The following SCAPER variants were observed in gnomAD, a reference collection of about 807,000 sequenced individuals.
SCAPER encodes the protein S-phase cyclin A associated protein in the ER, also known as S phase cyclin A-associated protein in the endoplasmic reticulum.
SCAPER carries 98 observed loss-of-function variants against 182.2 expected under a neutral mutation model. The ratio of observed to expected loss-of-function variants is 0.54; its 90% CI spans 0.46 to 0.64. The LOEUF (loss-of-function observed/expected upper bound fraction) is 0.64, where lower values mean the gene tolerates loss of function less well. SCAPER is among the 30% of genes least tolerant of loss of function. The pLI, the probability that SCAPER is intolerant of heterozygous loss-of-function variation, is 0.00. For missense variants in SCAPER, 1,432 were observed against 1,690.0 expected (o/e 0.85, Z 2.68); for synonymous variants, 605 against 564.6 (o/e 1.07, Z -1.01).
At chr15:76,656,773 TAAACAACC>T (rs1480186418) in intron 21 of SCAPER, among the ~76,000 whole-genome samples, 5 of 152,218 alleles carry the variant, frequency 3.3e-5, no homozygotes, top group African/African-American at 1.2e-4. Context: ...AAATGGAAAT[TAAACAACC>T]TGCTCCCAAA....
intron 27 of SCAPER, among the ~76,000 whole-genome samples, chr15:76,389,584 C>T (rs1482759642): frequency 2.1e-5 from 3 of 145,568 alleles, no homozygotes; most frequent in South Asian, 4.3e-4. Context: ...GAGGCCGAGG[C>T]GGGCAGATCA....
At chr15:76,844,839 A>T (rs578148600) in intron 4 of SCAPER, among the ~76,000 whole-genome samples, 1 of 152,310 alleles carries the variant, frequency 6.6e-6, no homozygotes, top group South Asian at 2.1e-4. Context: ...ACAGAGGAGG[A>T]GGGAATACTT....
At chr15:76,769,515 CAG>C (rs1364233125) in intron 10 of SCAPER, among the ~76,000 whole-genome samples, 1 of 146,970 alleles carries the variant, frequency 6.8e-6, no homozygotes, top group East Asian at 2.0e-4. Context: ...AGGATATGAA[CAG>C]ACATTTCTCA....
At position 76,655,643 on chromosome 15, in the gene SCAPER, G is replaced by A. The variant is rs776188254; in HGVS notation, c.2645+10010C>T. On this transcript the variant is annotated intron_variant, in intron 21 of 31. Transcript: ENST00000563290. The stretch of plus-strand genomic sequence containing the variant: ...GAAGAATTATCCATGATGAACATGC[G>A]TACAAAAATCCTCAAGAGAGAAGGG... Among the ~76,000 whole-genome samples the A allele has an allele frequency of 1.4e-4, 21 of 152,146 alleles. 1 individual carries two copies. The highest frequency in any genetic ancestry group is 2.1e-4 in the South Asian group (1 of 4,822).
chr15:76,901,935 G>GGA (rs774137360), intron 1 of SCAPER, among the ~76,000 whole-genome samples: 5 of 152,096 alleles, frequency 3.3e-5, no homozygotes, highest in Non-Finnish European at 5.9e-5. Context: ...TAGCCAGGAT[G>GGA]GTCTCGATCT....
At chr15:76,454,674 A>T (rs1192352362) in intron 25 of SCAPER, among the ~76,000 whole-genome samples, 2 of 151,754 alleles carry the variant, frequency 1.3e-5, no homozygotes, top group Admixed American at 1.3e-4. Context: ...CTGGCTTGTA[A>T]TTTTTTTTCT....
At chr15:76,805,491 T>C (rs575501341) in intron 5 of SCAPER, among the ~76,000 whole-genome samples, 1 of 152,236 alleles carries the variant, frequency 6.6e-6, no homozygotes, top group South Asian at 2.1e-4. Flanking sequence ...TTGGGGGTTA[T>C]GTGCATTTCT....
intron 23 of SCAPER, among the ~76,000 whole-genome samples, chr15:76,518,429 G>A (rs1465237305): frequency 6.6e-6 from 1 of 152,086 alleles, no homozygotes; most frequent in Non-Finnish European, 1.5e-5. Context: ...TTTAGATGAG[G>A]CACAAGGAAA....
intron 22 of SCAPER, among the ~76,000 whole-genome samples, chr15:76,611,989 A>G (rs2051041494): frequency 6.6e-6 from 1 of 152,204 alleles, no homozygotes; most frequent in Admixed American, 6.5e-5. Context: ...CCAACATTGC[A>G]CTAAACAGGC....
chr15:76,856,314 G>A (rs1281329538), intron 4 of SCAPER, among the ~76,000 whole-genome samples: 1 of 151,904 alleles, frequency 6.6e-6, no homozygotes, highest in Non-Finnish European at 1.5e-5. Flanking sequence ...TTGGGTACTA[G>A]GCTTCATACC....
chr15:76,582,452 A>G (rs924246934), intron 22 of SCAPER, among the ~76,000 whole-genome samples: 1 of 152,236 alleles, frequency 6.6e-6, no homozygotes, highest in African/African-American at 2.4e-5. Context: ...ACTGAAGAAG[A>G]CACATGAAAA....
intron 2 of SCAPER, among the ~76,000 whole-genome samples, chr15:76,883,296 G>A (rs964350230): frequency 2.0e-5 from 3 of 152,214 alleles, no homozygotes; most frequent in Admixed American, 6.5e-5. Flanking sequence ...CTCAATTTGA[G>A]TAGTTTAAGA....
At chr15:76,854,267 C>CA (rs1395169714) in intron 4 of SCAPER, among the ~76,000 whole-genome samples, 6 of 150,874 alleles carry the variant, frequency 4.0e-5, no homozygotes, top group Admixed American at 3.3e-4. Context: ...GACTCCATCT[C>CA]AAAAAAAACA....
intron 23 of SCAPER, among the ~76,000 whole-genome samples, chr15:76,557,507 C>G (rs1428091148): frequency 6.6e-6 from 1 of 152,154 alleles, no homozygotes; most frequent in Non-Finnish European, 1.5e-5. Context: ...CCCCAAACCT[C>G]TTGGTGCTGT....
Position 76,555,036 on chromosome 15 carries a change from C to A in SCAPER, c.2838+19122G>T, listed in dbSNP as rs547210068. ...CCTCAAGTGATCCATCCACCTTGGC[C>A]TCCCAAAGTGCTAGGATTACAGGTG... On this transcript the variant is annotated intron_variant, in intron 23 of 31. Coordinates refer to ENST00000563290, the MANE Select transcript of SCAPER (RefSeq NM_020843.4). 5.9e-5 allele frequency among the ~76,000 whole-genome samples: 9 copies of A among 152,226 alleles called. No individual in the cohort carries two copies. The South Asian group carries it at 1.9e-3, about 32-fold the overall frequency.
chr15:76,595,274 G>GTT (rs1186746587), intron 22 of SCAPER, among the ~76,000 whole-genome samples: 4 of 121,358 alleles, frequency 3.3e-5, no homozygotes, highest in African/African-American at 1.0e-4. Flanking sequence ...AACAAGAAGA[G>GTT]TTAACTATCC....
At chr15:76,702,792 T>C (rs1439554381) in intron 19 of SCAPER, 58 bp downstream of exon 19, 4 of 1,544,724 alleles carry the variant, frequency 2.6e-6, no homozygotes, top group East Asian at 2.4e-5. Flanking sequence ...TATATTTCCA[T>C]GGTTTCATAA....
rs60675828 is a variant in SCAPER at position 76,431,676 on chromosome 15, C to CAAAAAAAAAAAAAAAAAAAAAAAA, written c.3311+2378_3311+2401dup. On this transcript the variant is annotated intron_variant, in intron 26 of 31. Coordinates refer to ENST00000563290, the MANE Select transcript of SCAPER (RefSeq NM_020843.4). ...AGAAGGCAAGTATGAAAATGATTAG[C>CAAAAAAAAAAAAAAAAAAAAAAAA]AAAAAAAAAAAAAAAAAAAAAAAAA... Among the ~76,000 whole-genome samples the CAAAAAAAAAAAAAAAAAAAAAAAA allele has an allele frequency of 2.8e-4, 13 of 47,126 alleles. 1 individual carries two copies. The highest frequency in any genetic ancestry group is 1.1e-3 in the African/African-American group (11 of 10,250). The allele number at this position is 47,126 out of a possible 152,430, so 30.9% of individuals were successfully genotyped here.
intron 21 of SCAPER, among the ~76,000 whole-genome samples, chr15:76,639,315 T>C (rs1409465474): frequency 1.3e-5 from 2 of 152,192 alleles, no homozygotes; most frequent in Admixed American, 1.3e-4. Context: ...TTGTCAACAT[T>C]TTCTCTACGA....
Sources: gnomAD v4.1 joint callset for allele counts (sites outside exome capture counted in the v4.1 genomes callset) on GRCh38, gnomAD v4.1.1 for gene constraint, MANE v1.5 for transcripts, NCBI Gene and HGNC (gene_info 2026-07-23, HGNC 2026-07-21) for gene names.